The following FRYL variants were observed in gnomAD, a reference collection of about 807,000 sequenced individuals.
FRYL encodes protein furry homolog-like.
FRYL carries 150 observed loss-of-function variants against 351.2 expected under a neutral mutation model. That is an observed-to-expected ratio of 0.43 (90% CI 0.37 to 0.49). The LOEUF is 0.49. Among genes scored for constraint, FRYL ranks in the 20% least tolerant of loss-of-function variants. The probability of loss-of-function intolerance (pLI) is 0.00; values close to 1 mark genes in which losing one functional copy is unlikely to be tolerated. For missense variants in FRYL, 3,036 were observed against 3,619.3 expected (o/e 0.84, Z 4.13); for synonymous variants, 1,153 against 1,257.1 (o/e 0.92, Z 1.75).
chr4:48,508,431 A>T (rs963973800), intron 59 of FRYL, among the ~76,000 whole-genome samples: 5 of 152,156 alleles, frequency 3.3e-5, no homozygotes, highest in African/African-American at 9.7e-5. Context: ...AATTTTTCTC[A>T]ATATTTGCAG....
At chr4:48,682,307 A>C (rs756443738) in intron 3 of FRYL, among the ~76,000 whole-genome samples, 1 of 152,208 alleles carries the variant, frequency 6.6e-6, no homozygotes, top group African/African-American at 2.4e-5. Context: ...AAGACCTAAA[A>C]GCATAAAAAC....
At chr4:48,632,541 T>C (rs1310459152) in intron 4 of FRYL, among the ~76,000 whole-genome samples, 1 of 150,596 alleles carries the variant, frequency 6.6e-6, no homozygotes, top group Non-Finnish European at 1.5e-5. Flanking sequence ...CAGAACTTTA[T>C]ATTAATAATA....
At chr4:48,758,902 T>C (rs1774109223) in intron 1 of FRYL, among the ~76,000 whole-genome samples, 1 of 151,982 alleles carries the variant, frequency 6.6e-6, no homozygotes, top group African/African-American at 2.4e-5. Context: ...TATGCAGCCA[T>C]AAAAAAGGAT....
intron 3 of FRYL, among the ~76,000 whole-genome samples, chr4:48,642,430 C>CT: frequency 6.6e-6 from 1 of 152,078 alleles, no homozygotes; most frequent in Admixed American, 6.6e-5. Flanking sequence ...TTCCCAAATA[C>CT]TTTATGTTTC....
chr4:48,632,096 A>ATATATATATATATATATGTG (rs1553957552), intron 4 of FRYL, among the ~76,000 whole-genome samples: 3 of 16,206 alleles, frequency 1.9e-4, no homozygotes, highest in Non-Finnish European at 4.5e-4. Flanking sequence ...AAAAAAATAT[A>ATATATATATATATATATGTG]TATATATATA....
chr4:48,727,780 A>T (rs1770244884), intron 1 of FRYL, among the ~76,000 whole-genome samples: 2 of 152,236 alleles, frequency 1.3e-5, no homozygotes, highest in Admixed American at 6.5e-5. Context: ...ACTTGGGGGT[A>T]GGTTAATACC....
chr4:48,535,744 G>A lies in FRYL; in HGVS notation c.6477C>T (p.Asp2159=). 1.2e-6 allele frequency: 2 copies of A among 1,611,184 alleles called. No individual in the cohort carries two copies. Among genetic ancestry groups the A allele is most frequent in the Non-Finnish European group, 1.7e-6 (2 of 1,178,240 alleles). The part of the protein sequence containing the change: ...SLYSTHTYSR[D]CSNWINVVCR... The stretch of plus-strand genomic sequence containing the variant: ...ACACGACATTGATCCAGTTAGAACA[G>A]TCTCTGGAATACGTGTGTGTACTGT... Residue 2159 remains aspartate, a synonymous_variant, in exon 48 of 64, where the codon GAC becomes GAT. Transcript: ENST00000358350.
Position 48,565,021 on chromosome 4 carries a change from C to A in FRYL, c.3353G>T (p.Cys1118Phe). The change falls in exon 30 of 64, where the codon TGT (cysteine) becomes TTT (phenylalanine). Residue 1118 changes from cysteine (C) to phenylalanine (F), a missense_variant. Around this residue, in one of 7 missense-constraint regions of FRYL, gnomAD observed 1,987 missense variants for 2,311.7 expected, o/e 0.86. Transcript: ENST00000358350. ...ALKAMSAVLC[C>F]GPVADNVGLS... Reference sequence around the variant, plus strand: ...TCCTACATTATCTGCAACAGGGCCACAACACAGTACAGCAGACATAGCCTT... The same window carrying A: ...TCCTACATTATCTGCAACAGGGCCAAAACACAGTACAGCAGACATAGCCTT... 1.9e-6 allele frequency: 3 copies of A among 1,596,568 alleles called. No individual in the cohort carries two copies. Among genetic ancestry groups the A allele is most frequent in the Non-Finnish European group, 2.6e-6 (3 of 1,166,454 alleles).
chr4:48,726,671 G>C lies in FRYL; in HGVS notation c.-383-15973C>G, dbSNP rs1770125203. ...CACTCCAGTCTGGGCGACAGAGCGA[G>C]ACTCCATCTCCAAAACAAACAAACA... On this transcript the variant is annotated intron_variant, in intron 1 of 63. Transcript: ENST00000358350. 3.3e-5 allele frequency among the ~76,000 whole-genome samples: 5 copies of C among 152,128 alleles called. No homozygotes were observed. The South Asian group carries it at 1.0e-3, about 32-fold the overall frequency.
At chr4:48,533,964 C>A (rs1309283651) in intron 49 of FRYL, among the ~76,000 whole-genome samples, 1 of 152,148 alleles carries the variant, frequency 6.6e-6, no homozygotes, top group Non-Finnish European at 1.5e-5. Flanking sequence ...CGGTGGCTCA[C>A]GCCTGTAATC....
chr4:48,527,822 G>A, intron 52 of FRYL, 149 bp downstream of exon 52: 1 of 903,284 alleles, frequency 1.1e-6, no homozygotes, highest in Non-Finnish European at 1.7e-6. Context: ...ATGGCTGCCA[G>A]GTGTCACAAG....
Position 48,565,532 on chromosome 4 carries a change from T to G in FRYL, c.3329A>C (p.Lys1110Thr), listed in dbSNP as rs1219890802. 1 of 1,562,468 alleles carries G rather than the reference T, an allele frequency of 6.4e-7. No individual in the cohort carries two copies. The highest frequency in any genetic ancestry group is 8.6e-7 in the Non-Finnish European group (1 of 1,159,624). Reference protein sequence around the residue: ...QINRHQYCALKAMSAVLCCGP... With the variant: ...QINRHQYCALTAMSAVLCCGP... ...GAAATCAGGTTTCTAAGTAAATACC[T>G]TTAACGCACAGTATTGATGTCTATT... The change falls in exon 29 of 64, where the codon AAG (lysine) becomes ACG (threonine). Residue 1110 changes from lysine (K) to threonine (T), a missense_variant and splice_region_variant. By Grantham distance (78) the Lys-to-Thr change is moderately conservative (BLOSUM62 -1). Coordinates refer to ENST00000358350, the MANE Select transcript of FRYL (RefSeq NM_015030.2).
chr4:48,758,534 C>T (rs931343154), intron 1 of FRYL, among the ~76,000 whole-genome samples: 7 of 152,146 alleles, frequency 4.6e-5, no homozygotes, highest in Non-Finnish European at 1.0e-4. Flanking sequence ...CAATGAGATA[C>T]CATCTCACAC....
chr4:48,571,610 T>C, intron 26 of FRYL: 6 of 978,948 alleles, frequency 6.1e-6, no homozygotes, highest in Non-Finnish European at 7.3e-6. Flanking sequence ...TAGTTGAAAT[T>C]TCACTTTCTT....
intron 4 of FRYL, among the ~76,000 whole-genome samples, chr4:48,632,094 ATATATATAT>A (rs1753209893): frequency 1.4e-4 from 2 of 13,866 alleles, no homozygotes; most frequent in Non-Finnish European, 3.6e-4. Context: ...AAAAAAAAAT[ATATATATAT>A]ATATATATAT....
At chr4:48,675,169 C>T (rs992728047) in intron 3 of FRYL, among the ~76,000 whole-genome samples, 11 of 152,204 alleles carry the variant, frequency 7.2e-5, no homozygotes, top group Non-Finnish European at 1.6e-4. Flanking sequence ...TGAGAGGTGA[C>T]AGCGCGCTGG....
At position 48,499,674 on chromosome 4, in the gene FRYL, G is replaced by C. The variant is rs772577367; in HGVS notation, c.8790C>G (p.Leu2930=). 9 of 1,613,346 alleles carry C rather than the reference G, an allele frequency of 5.6e-6. No individual in the cohort carries two copies. The highest frequency in any genetic ancestry group is 1.3e-5 in the African/African-American group (1 of 74,888). The stretch of plus-strand genomic sequence containing the variant: ...AACTGCCAAAGATATCACTGGGCCA[G>C]AGAGATCTGAAAATACACAATAGTT... ...AVAQVKAFRS[L]WPSDIFGSCE... Residue 2930 remains leucine (L), a synonymous_variant, in exon 64 of 64, where the codon CTC becomes CTG. Coordinates refer to ENST00000358350, the MANE Select transcript of FRYL (RefSeq NM_015030.2).
chr4:48,620,810 T>C (rs760874097), intron 5 of FRYL, 32 bp from the exon 6 acceptor site: 6 of 1,588,332 alleles, frequency 3.8e-6, no homozygotes, highest in East Asian at 2.3e-5. Context: ...AGAAAATAAA[T>C]TGTAACACTG....
At chr4:48,671,597 G>A (rs1353577070) in intron 3 of FRYL, among the ~76,000 whole-genome samples, 2 of 152,082 alleles carry the variant, frequency 1.3e-5, no homozygotes, top group Non-Finnish European at 2.9e-5. Flanking sequence ...AACCCGGGAG[G>A]CAGAGGTTGT....
Sources: allele counts gnomAD v4.1 joint callset (sites outside exome capture counted in the v4.1 genomes callset), GRCh38; gene constraint gnomAD v4.1.1; regional missense constraint gnomAD v4.1.1; transcripts MANE v1.5; gene names NCBI Gene and HGNC (gene_info 2026-07-23, HGNC 2026-07-21).